SLC35F3: variants seen among roughly 807,000 people sequenced by gnomAD.
The protein encoded by SLC35F3 is putative thiamine transporter SLC35F3.
SLC35F3 carries 25 observed loss-of-function variants against 49.9 expected under a neutral mutation model. The observed-to-expected ratio is 0.50, with a 90% CI of 0.37 to 0.70. The LOEUF is 0.70. Ranked by LOEUF, SLC35F3 falls within the 30% of genes least tolerant of loss-of-function variation. The pLI is 0.00. For synonymous variants in SLC35F3, 275 were observed against 265.4 expected, an observed-to-expected ratio of 1.04 and a Z score of -0.35; for missense variants, 525 against 639.8, an observed-to-expected ratio of 0.82 and a Z score of 1.94.
intron 2 of SLC35F3, among the ~76,000 whole-genome samples, chr1:234,059,740 G>C (rs1395149155): frequency 6.6e-6 from 1 of 152,070 alleles, no homozygotes; most frequent in Non-Finnish European, 1.5e-5. Flanking sequence ...TCCCACAATA[G>C]GCTATCTGCA....
chr1:234,296,397 T>C (rs955618270), intron 3 of SLC35F3, among the ~76,000 whole-genome samples: 1 of 152,120 alleles, frequency 6.6e-6, no homozygotes, highest in African/African-American at 2.4e-5. Flanking sequence ...ATTTATTCCA[T>C]GCAATATTTT....
intron 2 of SLC35F3, among the ~76,000 whole-genome samples, chr1:234,006,829 T>C (rs12066608): frequency 0.071 from 10,866 of 152,190 alleles, 1,252 homozygotes; most frequent in African/African-American, 0.24. Context: ...ATAACTGTCA[T>C]TGGACCTTCC....
At chr1:234,284,670 A>G (rs920991368) in intron 3 of SLC35F3, among the ~76,000 whole-genome samples, 3 of 152,210 alleles carry the variant, frequency 2.0e-5, no homozygotes, top group Non-Finnish European at 4.4e-5. Context: ...GGTTACTGAA[A>G]GTCCAGACAG....
At position 233,904,922 on chromosome 1, in the gene SLC35F3, C is replaced by A; in HGVS notation, c.-156C>A. The A allele has an allele frequency of 1.4e-6, 1 of 719,322 alleles. No individual in the cohort carries two copies. Among genetic ancestry groups the A allele is most frequent in the South Asian group, 2.2e-5 (1 of 45,142 alleles). 44.6% of individuals were successfully genotyped at this position (719,322 alleles called of 1,614,324 possible). On this transcript the variant is annotated 5_prime_UTR_variant, in exon 1 of 8. Transcript: ENST00000366618. ...CGGAGGCGCTCGGGTACAGACCGCG[C>A]GGGCGCGCACAAAGCGGCCCGGGGC... is the stretch of plus-strand genomic sequence containing the variant.
intron 3 of SLC35F3, among the ~76,000 whole-genome samples, chr1:234,257,362 C>T (rs1342218764): frequency 6.6e-6 from 1 of 152,172 alleles, no homozygotes; most frequent in Non-Finnish European, 1.5e-5. Context: ...TCTCCTAAAT[C>T]TGCTGTTTCT....
At chr1:233,942,208 G>A (rs1394002867) in intron 2 of SLC35F3, among the ~76,000 whole-genome samples, 2 of 151,742 alleles carry the variant, frequency 1.3e-5, no homozygotes, top group African/African-American at 4.8e-5. Context: ...TGAGCCGCCC[G>A]CCTCAGCCTC....
chr1:234,029,695 CTT>C (rs1378244366), intron 2 of SLC35F3, among the ~76,000 whole-genome samples: 1 of 152,136 alleles, frequency 6.6e-6, no homozygotes, highest in Non-Finnish European at 1.5e-5. Flanking sequence ...TTGTACCACT[CTT>C]TAAAAGTTTC....
intron 3 of SLC35F3, among the ~76,000 whole-genome samples, chr1:234,235,559 CA>C (rs764505903): frequency 7.9e-5 from 12 of 152,332 alleles, no homozygotes; most frequent in Non-Finnish European, 1.2e-4. Context: ...AGAGCTGGAG[CA>C]GATCTGGGGC....
At chr1:234,024,487 A>G (rs1427073505) in intron 2 of SLC35F3, among the ~76,000 whole-genome samples, 1 of 152,180 alleles carries the variant, frequency 6.6e-6, no homozygotes, top group Non-Finnish European at 1.5e-5. Flanking sequence ...AAAGAAAACA[A>G]ATTTCTTTCT....
intron 2 of SLC35F3, among the ~76,000 whole-genome samples, chr1:234,225,789 C>G (rs563907597): frequency 6.6e-6 from 1 of 152,288 alleles, no homozygotes; most frequent in East Asian, 1.9e-4. Flanking sequence ...GCATGTCCAT[C>G]GATAGATGAA....
At chr1:234,306,836 C>A (rs1052556388) in intron 3 of SLC35F3, among the ~76,000 whole-genome samples, 1 of 152,174 alleles carries the variant, frequency 6.6e-6, no homozygotes, top group South Asian at 2.1e-4. Context: ...AAGTAGGTTG[C>A]CCAGTTAGCC....
intron 3 of SLC35F3, among the ~76,000 whole-genome samples, chr1:234,269,507 C>T (rs1224790629): frequency 2.0e-5 from 3 of 152,154 alleles, no homozygotes; most frequent in African/African-American, 4.8e-5. Context: ...CCCCACCCAC[C>T]CACTCAGGCA....
chr1:234,041,473 A>G (rs1208534427), intron 2 of SLC35F3, among the ~76,000 whole-genome samples: 1 of 152,004 alleles, frequency 6.6e-6, no homozygotes, highest in Non-Finnish European at 1.5e-5. Context: ...ATCTAACTGC[A>G]AAGGAAGTTG....
chr1:234,309,555 G>A (rs1657297682), intron 4 of SLC35F3, among the ~76,000 whole-genome samples: 1 of 152,226 alleles, frequency 6.6e-6, no homozygotes. Flanking sequence ...TTCATTTCAA[G>A]CATTTCAACA....
At chr1:234,125,538 G>C (rs1665634284) in intron 2 of SLC35F3, among the ~76,000 whole-genome samples, 1 of 152,086 alleles carries the variant, frequency 6.6e-6, no homozygotes. Context: ...GCCCACCCCA[G>C]GCAGGGCCAG....
chr1:234,058,536 G>T (rs1364535765), intron 2 of SLC35F3, among the ~76,000 whole-genome samples: 2 of 151,706 alleles, frequency 1.3e-5, no homozygotes, highest in Non-Finnish European at 2.9e-5. Flanking sequence ...TAGAGACAGG[G>T]TCTCACTCTG....
intron 2 of SLC35F3, chr1:234,213,522 C>T (rs1315566240): frequency 6.6e-6 from 1 of 152,332 alleles, no homozygotes; most frequent in Non-Finnish European, 1.5e-5. Flanking sequence ...TCAGTGGTCA[C>T]TCAGGGATTG....
intron 2 of SLC35F3, among the ~76,000 whole-genome samples, chr1:233,991,454 A>C (rs1663352979): frequency 6.6e-6 from 1 of 152,142 alleles, no homozygotes; most frequent in African/African-American, 2.4e-5. Flanking sequence ...AAGAAAAAGA[A>C]AAGAAAAATA....
intron 3 of SLC35F3, among the ~76,000 whole-genome samples, chr1:234,289,749 C>T (rs1657374902): frequency 6.6e-6 from 1 of 152,210 alleles, no homozygotes; most frequent in African/African-American, 2.4e-5. Context: ...AAACATGAAA[C>T]TGTCCCATGG....
Sources: gnomAD v4.1 joint callset for allele counts (sites outside exome capture counted in the v4.1 genomes callset) on GRCh38, gnomAD v4.1.1 for gene constraint, MANE v1.5 for transcripts, NCBI Gene and HGNC (gene_info 2026-07-23, HGNC 2026-07-21) for gene names.